Variants in RNF14 observed in about 807,000 individuals in gnomAD.
The protein encoded by RNF14 is E3 ubiquitin-protein ligase RNF14.
A neutral mutation model predicts 52.6 loss-of-function variants in RNF14; 26 were observed. The ratio of observed to expected loss-of-function variants is 0.49; its 90% CI spans 0.36 to 0.69. RNF14 has a LOEUF of 0.69. RNF14 is among the 30% of genes least tolerant of loss of function. The probability of loss-of-function intolerance (pLI) is 0.00; values close to 1 mark genes in which losing one functional copy is unlikely to be tolerated. For missense variants in RNF14, 404 were observed against 560.4 expected, an observed-to-expected ratio of 0.72 and a Z score of 2.82; for synonymous variants, 194 against 202.0, an observed-to-expected ratio of 0.96 and a Z score of 0.34.
At chr5:141,958,229 T>C, upstream of RNF14, 1 of 197,914 alleles carries the variant, frequency 5.1e-6, no homozygotes, top group Non-Finnish European at 1.0e-5. Flanking sequence ...AGCAGCTTTT[T>C]CCTATGGAAA....
At chr5:141,959,251 A>G (rs766268169) in intron 1 of RNF14, among the ~76,000 whole-genome samples, 2 of 151,972 alleles carry the variant, frequency 1.3e-5, no homozygotes, top group Non-Finnish European at 1.5e-5. Context: ...AGTTTTGTTT[A>G]TAAGAGTCCC....
chr5:141,984,384 C>T (rs1755051749), intron 7 of RNF14, among the ~76,000 whole-genome samples: 1 of 152,168 alleles, frequency 6.6e-6, no homozygotes, highest in African/African-American at 2.4e-5. Flanking sequence ...AGGCATGAGC[C>T]ACCACACCTG....
chr5:141,973,581 A>G lies in RNF14; in HGVS notation c.-6-2A>G. 6.2e-7 allele frequency: 1 copy of G among 1,603,836 alleles called. No individual in the cohort carries two copies. Among genetic ancestry groups the G allele is most frequent in the South Asian group, 1.1e-5 (1 of 88,912 alleles). ...GTTCTTAACTGATTTTAATGTTTTC[A>G]GGTCCTTATGTCGTCAGAAGATCGA... is the stretch of plus-strand genomic sequence containing the variant. On this transcript the variant is annotated splice_acceptor_variant, in intron 2 of 8. Coordinates refer to ENST00000394520, the MANE Select transcript of RNF14 (RefSeq NM_004290.5). LOFTEE classifies it low-confidence loss of function (5UTR_SPLICE).
upstream of RNF14, chr5:141,957,676 C>T (rs1167791258): frequency 3.1e-6 from 5 of 1,614,182 alleles, no homozygotes; most frequent in South Asian, 1.1e-5. The surrounding 1 kb of genome is among the most constrained non-coding windows in gnomAD (Gnocchi z 4.3). Flanking sequence ...AGCTTGCCTC[C>T]GCCTCTCCTC....
chr5:141,953,148 A>G, the RNF14 span: 5 of 152,244 alleles, frequency 3.3e-5, no homozygotes, highest in Admixed American at 2.6e-4. Flanking sequence ...ATTCAGGGTC[A>G]CTTCACAGTT....
chr5:141,951,484 G>A, the RNF14 span: 4 of 1,611,136 alleles, frequency 2.5e-6, no homozygotes, highest in Admixed American at 6.7e-5. Context: ...GGGGCTACGT[G>A]CTGCTTACCT....
At chr5:141,955,239 G>C, upstream of RNF14, 1 of 1,614,224 alleles carries the variant, frequency 6.2e-7, no homozygotes, top group Non-Finnish European at 8.5e-7. This position sits in a 1 kb window ranked among gnomAD's most constrained non-coding sequence, Gnocchi z 5.5. Flanking sequence ...GCTGGCCTGT[G>C]GCAGGCTGGG....
chr5:141,978,205 G>C, intron 4 of RNF14, 98 bp from the exon 5 acceptor site: 1 of 1,012,446 alleles, frequency 9.9e-7, no homozygotes, highest in South Asian at 1.6e-5. Flanking sequence ...TAGAATAAGG[G>C]CCTAACTTGC....
upstream of RNF14, chr5:141,957,495 G>T: frequency 6.2e-7 from 1 of 1,613,966 alleles, no homozygotes; most frequent in Non-Finnish European, 8.5e-7. This position sits in a 1 kb window ranked among gnomAD's most constrained non-coding sequence, Gnocchi z 4.3. Context: ...TCTCCACATG[G>T]ATCAGAGCCA....
At chr5:141,986,865 G>A (rs1451237072) in intron 8 of RNF14, among the ~76,000 whole-genome samples, 1 of 152,368 alleles carries the variant, frequency 6.6e-6, no homozygotes, top group East Asian at 1.9e-4. Context: ...TGCATGTGCA[G>A]TTGAGCTTCA....
At chr5:141,983,918 A>G (rs1755004478) in intron 7 of RNF14, among the ~76,000 whole-genome samples, 1 of 152,162 alleles carries the variant, frequency 6.6e-6, no homozygotes, top group Non-Finnish European at 1.5e-5. Flanking sequence ...ACACCTGTTT[A>G]AGATACACTC....
chr5:141,985,828 C>T (rs529978479), intron 8 of RNF14, among the ~76,000 whole-genome samples: 2 of 152,242 alleles, frequency 1.3e-5, no homozygotes, highest in Non-Finnish European at 2.9e-5. Context: ...GCTGGGATTA[C>T]AGGCGTGAGC....
In RNF14 at chr5:141,978,560, G is replaced by C. The variant is rs777764504; in HGVS notation, c.564G>C (p.Val188=). ...AGGAAATTGTGGATGAGAGAGCAGTGCAGGATGTGGAATCACTGTCAAATC... is the reference window on the plus strand; with the variant it reads ...AGGAAATTGTGGATGAGAGAGCAGTCCAGGATGTGGAATCACTGTCAAATC... ...DQEEIVDERA[V]QDVESLSNLI... The change falls in exon 5 of 9, where the codon GTG becomes GTC. Residue 188 remains valine (V), a synonymous_variant. Transcript: ENST00000394520. 6.2e-7 allele frequency: 1 copy of C among 1,614,148 alleles called. No homozygotes were observed. The highest frequency in any genetic ancestry group is 2.2e-5 in the East Asian group (1 of 44,878).
chr5:141,981,174 C>T (rs918053773), intron 6 of RNF14, among the ~76,000 whole-genome samples: 10 of 152,014 alleles, frequency 6.6e-5, no homozygotes, highest in African/African-American at 2.4e-4. Flanking sequence ...ATGAAGGGAA[C>T]GAATATCATG....
intron 2 of RNF14, among the ~76,000 whole-genome samples, chr5:141,972,932 T>G (rs143406654): frequency 6.6e-6 from 1 of 152,116 alleles, no homozygotes; most frequent in Admixed American, 6.6e-5. Context: ...TGACCACTTT[T>G]GCGAACCAGG....
At chr5:141,976,816 T>G (rs1754310863) in intron 4 of RNF14, among the ~76,000 whole-genome samples, 1 of 121,160 alleles carries the variant, frequency 8.3e-6, no homozygotes, top group African/African-American at 3.3e-5. Flanking sequence ...TGAGATGGAG[T>G]CTTGCTCTGT....
chr5:141,959,910 T>TA, intron 1 of RNF14, among the ~76,000 whole-genome samples: 1 of 152,212 alleles, frequency 6.6e-6, no homozygotes, highest in East Asian at 1.9e-4. Flanking sequence ...CAAGGTGGGG[T>TA]AAGGACTCAG....
intron 6 of RNF14, among the ~76,000 whole-genome samples, chr5:141,981,034 G>A (rs1332291127): frequency 1.3e-5 from 2 of 152,136 alleles, no homozygotes; most frequent in Admixed American, 1.3e-4. Flanking sequence ...CATAAATCAG[G>A]CCCTTAACGT....
At position 141,983,935 on chromosome 5, in the gene RNF14, T is replaced by G. The variant is rs367842249; in HGVS notation, c.1236+383T>G. 3.3e-5 allele frequency among the ~76,000 whole-genome samples: 5 copies of G among 152,010 alleles called. No individual in the cohort carries two copies. The South Asian group carries it at 1.0e-3, about 31-fold the overall frequency. On this transcript the variant is annotated intron_variant, in intron 7 of 8. Transcript: ENST00000394520. ...ACCTGTTTAAGATACACTCAGGAAT[T>G]AATTTGAGTCAAAATAATTAGACAG...
Sources: gnomAD v4.1 joint callset for allele counts (sites outside exome capture counted in the v4.1 genomes callset) on GRCh38, gnomAD v4.1.1 for gene constraint, Gnocchi (gnomAD v3.1) non-coding constraint, MANE v1.5 for transcripts, NCBI Gene and HGNC (gene_info 2026-07-23, HGNC 2026-07-21) for gene names.